Variants in BEST2 observed in about 807,000 individuals in gnomAD.
The protein encoded by BEST2 is bestrophin 2.
In BEST2, 36 loss-of-function variants were observed where a neutral mutation model predicts 49.0. The ratio of observed to expected loss-of-function variants is 0.73; its 90% CI spans 0.56 to 0.97. The LOEUF (loss-of-function observed/expected upper bound fraction) is 0.97, where lower values mean the gene tolerates loss of function less well. BEST2 is among the 50% of genes least tolerant of loss of function. The pLI is 0.00. For synonymous variants in BEST2, 335 were observed against 304.4 expected (o/e 1.10, Z -1.05); for missense variants, 672 against 710.0 (o/e 0.95, Z 0.61).
At position 12,755,921 on chromosome 19, in the gene BEST2, G is replaced by A; in HGVS notation, c.934G>A (p.Asp312Asn). The change falls in exon 8 of 10, where the codon GAT (aspartate) becomes AAT (asparagine). Residue 312 changes from aspartate (D) to asparagine (N), a missense_variant. Transcript: ENST00000553030. The surrounding 1 kb of genome is among the most constrained non-coding windows in gnomAD (Gnocchi z 4.4). The part of the protein sequence containing the change: ...DDDFETNFLI[D>N]RNFQVSMLAV... ...TGACTTTGAGACCAACTTTCTGATC[G>A]ATAGAAACTTCCAGGTGAGACTCAG... The A allele has an allele frequency of 2.5e-6, 4 of 1,614,012 alleles. No homozygotes were observed. The East Asian group carries it at 8.9e-5, about 36-fold the overall frequency.
In BEST2 at chr19:12,754,629, G is replaced by C; in HGVS notation, c.325G>C (p.Val109Leu). Residue 109 changes from valine to leucine, a missense_variant, in exon 4 of 10, where the codon GTG becomes CTG. Coordinates refer to ENST00000553030, the MANE Select transcript of BEST2 (RefSeq NM_017682.3). ...CMPLPDALMCVVAGTVHGRDD... is the reference protein window; with the variant it reads ...CMPLPDALMCLVAGTVHGRDD... ...GCCGCTGCCCGACGCGCTCATGTGC[G>C]TGGTGGCGGGCACCGTGCACGGACG... is the stretch of plus-strand genomic sequence containing the variant. 1 of 1,563,038 alleles carries C rather than the reference G, an allele frequency of 6.4e-7. No individual in the cohort carries two copies. The highest frequency in any genetic ancestry group is 8.7e-7 in the Non-Finnish European group (1 of 1,151,848).
chr19:12,753,691 C>G (rs543131478), intron 3 of BEST2, among the ~76,000 whole-genome samples: 1 of 152,152 alleles, frequency 6.6e-6, no homozygotes, highest in Non-Finnish European at 1.5e-5. Context: ...CTCCAGGGAC[C>G]CCATAGGACT....
At position 12,754,571 on chromosome 19, in the gene BEST2, G is replaced by T; in HGVS notation, c.267G>T (p.Val89=). 6.5e-7 allele frequency: 1 copy of T among 1,535,836 alleles called. No individual in the cohort carries two copies. Among genetic ancestry groups the T allele is most frequent in the Non-Finnish European group, 8.8e-7 (1 of 1,133,308 alleles). Residue 89 remains valine, a synonymous_variant, in exon 4 of 10, where the codon GTG becomes GTT. Coordinates refer to ENST00000553030, the MANE Select transcript of BEST2 (RefSeq NM_017682.3). ...SFVLGFYVTL[V]VNRWWSQYLC... is the part of the protein sequence containing the mutation. ...CTGCAGGCTTTTATGTGACGCTGGTGGTGAACCGCTGGTGGAGCCAGTACC... is the reference window on the plus strand; with the variant it reads ...CTGCAGGCTTTTATGTGACGCTGGTTGTGAACCGCTGGTGGAGCCAGTACC...
At chr19:12,754,368 G>A (rs1009481691) in intron 3 of BEST2, among the ~76,000 whole-genome samples, 184 bp from the exon 4 acceptor site, 2 of 152,124 alleles carry the variant, frequency 1.3e-5, no homozygotes, top group South Asian at 2.1e-4. Context: ...CACCGCGCCC[G>A]GCAACTGTCC....
chr19:12,757,684 G>A lies in BEST2; in HGVS notation c.1137G>A (p.Leu379=). The change falls in exon 10 of 10, where the codon CTG becomes CTA. Residue 379 remains leucine, a synonymous_variant. Coordinates refer to ENST00000553030, the MANE Select transcript of BEST2 (RefSeq NM_017682.3). ...LAKEDMQFQR[L]DGLDGPMGEA... ...AAGAAGACATGCAGTTCCAGCGGCT[G>A]GACGGCTTGGATGGACCGATGGGAG... 1 of 1,544,742 alleles carries A rather than the reference G, an allele frequency of 6.5e-7. No individual in the cohort carries two copies. Among genetic ancestry groups the A allele is most frequent in the Non-Finnish European group, 8.7e-7 (1 of 1,149,114 alleles).
chr19:12,754,945 C>G lies in BEST2; in HGVS notation c.550C>G (p.Pro184Ala). The G allele has an allele frequency of 6.2e-7, 1 of 1,613,942 alleles. No homozygotes were observed. Among genetic ancestry groups the G allele is most frequent in the Non-Finnish European group, 8.5e-7 (1 of 1,179,922 alleles). ...CTCATCCTACAACAAGTACTGGGTGCCCTGCGTCTGGTTCTCCAACCTGGC... is the reference window on the plus strand; with the variant it reads ...CTCATCCTACAACAAGTACTGGGTGGCCTGCGTCTGGTTCTCCAACCTGGC... Reference protein sequence around the residue: ...LNSSYNKYWVPCVWFSNLAAQ... With the variant: ...LNSSYNKYWVACVWFSNLAAQ... The change falls in exon 5 of 10, where the codon CCC (proline) becomes GCC (alanine). Residue 184 changes from proline (P) to alanine (A), a missense_variant. By Grantham distance (27) the Pro-to-Ala change is conservative. Transcript: ENST00000553030.
Position 12,758,156 on chromosome 19 carries a change from G to T in BEST2, c.*79G>T. 1 of 1,477,260 alleles carries T rather than the reference G, an allele frequency of 6.8e-7. No homozygotes were observed. The highest frequency in any genetic ancestry group is 2.3e-5 in the East Asian group (1 of 43,088). 91.5% of individuals were successfully genotyped at this position (1,477,260 alleles called of 1,614,324 possible). A position where few individuals can be genotyped will look rare whatever the true frequency, so the allele number is the denominator to read the frequency against. ...CACGCAGGTGTCCCGGTCTGCATAAGCCTCGTGTGCCTTTGTAAAGTCCAC... is the reference window on the plus strand; with the variant it reads ...CACGCAGGTGTCCCGGTCTGCATAATCCTCGTGTGCCTTTGTAAAGTCCAC... On this transcript the variant is annotated 3_prime_UTR_variant, in exon 10 of 10. Coordinates refer to ENST00000553030, the MANE Select transcript of BEST2 (RefSeq NM_017682.3).
rs1219084655 is a variant in BEST2, at chr19:12,755,456, G to A, written c.714G>A (p.Gln238=). Reference sequence around the variant, plus strand: ...TTAGCGTACCCCTCGTGTACACGCAGGTAACCCCATCATGCCTCTTTTTAT... The same window carrying A: ...TTAGCGTACCCCTCGTGTACACGCAAGTAACCCCATCATGCCTCTTTTTAT... ...DWISVPLVYT[Q]VVTIALYSYF... Residue 238 remains glutamine, a splice_region_variant and synonymous_variant, in exon 6 of 10, where the codon CAG becomes CAA. Transcript: ENST00000553030. This position sits in a 1 kb window ranked among gnomAD's most constrained non-coding sequence, Gnocchi z 4.4. 2 of 1,614,076 alleles carry A rather than the reference G, an allele frequency of 1.2e-6. No homozygotes were observed. Among genetic ancestry groups the A allele is most frequent in the East Asian group, 2.2e-5 (1 of 44,878 alleles).
At position 12,757,854 on chromosome 19, in the gene BEST2, C is replaced by G; in HGVS notation, c.1307C>G (p.Ala436Gly). 1 of 1,549,176 alleles carries G rather than the reference C, an allele frequency of 6.5e-7. No individual in the cohort carries two copies. Among genetic ancestry groups the G allele is most frequent in the African/African-American group, 1.4e-5 (1 of 73,162 alleles). Residue 436 changes from alanine to glycine, a missense_variant, in exon 10 of 10, where the codon GCG becomes GGG. Physicochemically the swap from Ala to Gly is moderately conservative, Grantham distance 60. This residue lies in a region of BEST2 where 291 missense variants were observed against 279.8 expected (regional missense o/e 1.04). Transcript: ENST00000553030. ...EASTGASCSC[A>G]VVPEGAAPEC... is the part of the protein sequence containing the mutation. Reference sequence around the variant, plus strand: ...TCTACTGGGGCCAGCTGCTCATGCGCGGTTGTCCCCGAAGGCGCGGCCCCG... The same window carrying G: ...TCTACTGGGGCCAGCTGCTCATGCGGGGTTGTCCCCGAAGGCGCGGCCCCG...
intron 9 of BEST2, among the ~76,000 whole-genome samples, chr19:12,756,869 C>T (rs1003591550): frequency 2.0e-5 from 3 of 150,268 alleles, no homozygotes; most frequent in East Asian, 2.0e-4. Flanking sequence ...AAAGGCCAGG[C>T]GCAGTGGCTT....
At chr19:12,753,458 C>T (rs1286462868) in intron 3 of BEST2, 104 bp downstream of exon 3, 25 of 1,116,680 alleles carry the variant, frequency 2.2e-5, no homozygotes, top group South Asian at 5.1e-5. Context: ...GATCCCCCCC[C>T]TCAAATCCAA....
chr19:12,756,477 G>C, intron 9 of BEST2, 182 bp downstream of exon 9: 7 of 813,870 alleles, frequency 8.6e-6, no homozygotes, highest in South Asian at 7.0e-5. Context: ...TCTGAGACTG[G>C]GCCACTGACT....
chr19:12,757,337 G>A (rs1054035656), intron 9 of BEST2, among the ~76,000 whole-genome samples: 8 of 152,098 alleles, frequency 5.3e-5, no homozygotes, highest in Non-Finnish European at 1.2e-4. Context: ...GCTTGAACCC[G>A]GGAGGCGAAG....
Position 12,754,674 on chromosome 19 carries a change from T to C in BEST2, c.370T>C (p.Tyr124His). 1 of 1,573,474 alleles carries C rather than the reference T, an allele frequency of 6.4e-7. No homozygotes were observed. Among genetic ancestry groups the C allele is most frequent in the Non-Finnish European group, 8.6e-7 (1 of 1,158,798 alleles). ...CGGACGCGACGACCGCGGCCGCCTC[T>C]ACCGGCGCACACTCATGCGCTACGC... ...VHGRDDRGRL[Y>H]RRTLMRYAGL... The change falls in exon 4 of 10, where the codon TAC becomes CAC. Residue 124 changes from tyrosine (Y) to histidine (H), a missense_variant. This residue lies in a region of BEST2 where 365 missense variants were observed against 390.9 expected (regional missense o/e 0.93). Transcript: ENST00000553030.
Position 12,752,546 on chromosome 19 carries a change from C to G in BEST2, c.-47C>G, listed in dbSNP as rs1246052130. Reference sequence around the variant, plus strand: ...CCTCTCCACCCACACCCGCAGCCCCCACCCGGGCCACCCACTCTCCCTTGG... The same window carrying G: ...CCTCTCCACCCACACCCGCAGCCCCGACCCGGGCCACCCACTCTCCCTTGG... On this transcript the variant is annotated 5_prime_UTR_variant, in exon 2 of 10. Transcript: ENST00000553030. The G allele has an allele frequency of 3.7e-6, 6 of 1,600,038 alleles. No individual in the cohort carries two copies. In the African/African-American group the frequency reaches 5.4e-5, roughly 14 times the overall value.
rs376943496 is a variant in BEST2 at position 12,753,359 on chromosome 19, G to A, written c.247+5G>A. 20 of 1,613,538 alleles carry A rather than the reference G, an allele frequency of 1.2e-5. No individual in the cohort carries two copies. Among genetic ancestry groups the A allele is most frequent in the Admixed American group, 5.0e-5 (3 of 59,996 alleles). ...TCCCTGTCTCCTTCGTGCTTGGTGC[G>A]GTCCAACCCCAAGTCCCCCGTTCCC... On this transcript the variant is annotated splice_donor_5th_base_variant and intron_variant, in intron 3 of 9. Coordinates refer to ENST00000553030, the MANE Select transcript of BEST2 (RefSeq NM_017682.3).
In BEST2 at chr19:12,752,569, T is replaced by A; in HGVS notation, c.-24T>A. ...CCCACCCGGGCCACCCACTCTCCCTTGGCCACACCTGCCGGGTGCCACGAT... is the reference window on the plus strand; with the variant it reads ...CCCACCCGGGCCACCCACTCTCCCTAGGCCACACCTGCCGGGTGCCACGAT... On this transcript the variant is annotated 5_prime_UTR_variant, in exon 2 of 10. Coordinates refer to ENST00000553030, the MANE Select transcript of BEST2 (RefSeq NM_017682.3). 6.2e-7 allele frequency: 1 copy of A among 1,609,274 alleles called. No homozygotes were observed. The highest frequency in any genetic ancestry group is 2.2e-5 in the East Asian group (1 of 44,806).
At position 12,755,585 on chromosome 19, in the gene BEST2, C is replaced by A. The variant is rs375224739; in HGVS notation, c.715-30C>A. 2.7e-5 allele frequency: 44 copies of A among 1,608,228 alleles called. No homozygotes were observed. Among genetic ancestry groups the A allele is most frequent in the Middle Eastern group, 3.3e-4 (2 of 6,060 alleles). ...TAATCCTAGCCTTGGACCCCAATGA[C>A]CCCCCTGAGCCCTGCCCCGCCCTGC... is the stretch of plus-strand genomic sequence containing the variant. On this transcript the variant is annotated intron_variant, in intron 6 of 9. Transcript: ENST00000553030. This position sits in a 1 kb window ranked among gnomAD's most constrained non-coding sequence, Gnocchi z 4.4.
At position 12,756,223 on chromosome 19, in the gene BEST2, G is replaced by A. The variant is rs764031387; in HGVS notation, c.1031G>A (p.Arg344His). ...KDLYWDAAEA[R>H]APYTAATVFQ... ...TTGTACTGGGATGCAGCCGAGGCTCGCGCCCCATACACAGCGGCTACTGTC... is the reference window on the plus strand; with the variant it reads ...TTGTACTGGGATGCAGCCGAGGCTCACGCCCCATACACAGCGGCTACTGTC... Residue 344 changes from arginine to histidine, a missense_variant, in exon 9 of 10, where the codon CGC (arginine) becomes CAC (histidine). Physicochemically the swap from Arg to His is conservative, Grantham distance 29. Transcript: ENST00000553030. 6.2e-6 allele frequency: 10 copies of A among 1,614,072 alleles called. No homozygotes were observed. Among genetic ancestry groups the A allele is most frequent in the Non-Finnish European group, 8.5e-6 (10 of 1,180,054 alleles).
Sources: gnomAD v4.1 joint callset for allele counts (sites outside exome capture counted in the v4.1 genomes callset) on GRCh38, gnomAD v4.1.1 for gene constraint, gnomAD v4.1.1 regional missense constraint, Gnocchi (gnomAD v3.1) non-coding constraint, MANE v1.5 for transcripts, NCBI Gene and HGNC (gene_info 2026-07-23, HGNC 2026-07-21) for gene names.